PCDHA10: variants seen among roughly 807,000 people sequenced by gnomAD.
The protein encoded by PCDHA10 is protocadherin alpha 10.
In PCDHA10, 45 loss-of-function variants were observed where a neutral mutation model predicts 61.2. The ratio of observed to expected loss-of-function variants is 0.74; its 90% CI spans 0.58 to 0.94. PCDHA10 has a LOEUF of 0.94. Ranked by LOEUF, PCDHA10 falls within the 40% of genes least tolerant of loss-of-function variation. The pLI is 0.00. For synonymous variants in PCDHA10, 602 were observed against 548.8 expected (o/e 1.10, Z -1.35); for missense variants, 1,278 against 1,236.2 (o/e 1.03, Z -0.51).
At chr5:140,891,889 G>C (rs1319520907) in intron 1 of PCDHA10, among the ~76,000 whole-genome samples, 1 of 152,224 alleles carries the variant, frequency 6.6e-6, no homozygotes, top group Non-Finnish European at 1.5e-5. Context: ...ATGTGACGAT[G>C]CAGCAAGAAG....
chr5:140,926,914 G>A (rs1563085125), intron 1 of PCDHA10: 7 of 1,565,570 alleles, frequency 4.5e-6, no homozygotes, highest in African/African-American at 1.4e-5. Context: ...TGGGGTGGCA[G>A]TTTTATGTTT....
chr5:140,993,462 TCACA>T (rs3836747), intron 3 of PCDHA10, among the ~76,000 whole-genome samples: 18,508 of 140,892 alleles, frequency 0.13, 1,341 homozygotes, highest in African/African-American at 0.21. Flanking sequence ...TCTTTCTTTC[TCACA>T]CACACACACA....
intron 3 of PCDHA10, among the ~76,000 whole-genome samples, chr5:140,987,524 GT>G (rs1341881093): frequency 6.6e-6 from 1 of 152,144 alleles, no homozygotes; most frequent in Non-Finnish European, 1.5e-5. Flanking sequence ...GTAATTGTAT[GT>G]TCCTGGGACC....
intron 1 of PCDHA10, chr5:140,966,646 G>A: frequency 1.8e-6 from 2 of 1,139,684 alleles, no homozygotes; most frequent in Non-Finnish European, 2.3e-6. Flanking sequence ...TTTCTAGAGC[G>A]TGAGCGGTGG....
At chr5:140,881,244 C>T (rs1219638908) in intron 1 of PCDHA10, 9 of 397,012 alleles carry the variant, frequency 2.3e-5, no homozygotes, top group Non-Finnish European at 3.1e-5. Context: ...ATTTAAATGA[C>T]GGCAAGGTTT....
intron 1 of PCDHA10, chr5:140,865,192 A>C (rs1306002523): frequency 3.9e-5 from 6 of 152,218 alleles, no homozygotes; most frequent in Non-Finnish European, 8.8e-5. Flanking sequence ...CCTTCACACC[A>C]TATTAATGTG....
At chr5:140,932,145 C>G (rs1231469475) in intron 1 of PCDHA10, among the ~76,000 whole-genome samples, 2 of 151,710 alleles carry the variant, frequency 1.3e-5, no homozygotes, top group African/African-American at 4.8e-5. Context: ...AAAATTGATT[C>G]ACTGATTGTA....
Position 140,858,289 on chromosome 5 carries a change from T to G in PCDHA10, c.2241T>G (p.Ser747=). 6.3e-7 allele frequency: 1 copy of G among 1,597,184 alleles called. No homozygotes were observed. The highest frequency in any genetic ancestry group is 1.3e-5 in the African/African-American group (1 of 74,256). Residue 747 remains serine (S), a synonymous_variant, in exon 1 of 4, where the codon TCT becomes TCG. Transcript: ENST00000307360. ...GCTCTAGCGCGGTGGGGAGCTGGTCTTACTCGCAGCAGAGGCGGCAGAGGG... is the reference window on the plus strand; with the variant it reads ...GCTCTAGCGCGGTGGGGAGCTGGTCGTACTCGCAGCAGAGGCGGCAGAGGG... ...LVCSSAVGSW[S]YSQQRRQRVC... is the part of the protein sequence containing the mutation.
chr5:140,921,693 C>A (rs115825687), intron 1 of PCDHA10, among the ~76,000 whole-genome samples: 103 of 152,244 alleles, frequency 6.8e-4, no homozygotes, highest in African/African-American at 2.4e-3. Flanking sequence ...CTGGCCACCT[C>A]AATTTTAAAC....
intron 1 of PCDHA10, among the ~76,000 whole-genome samples, chr5:140,973,733 C>G (rs1273705154): frequency 6.6e-6 from 1 of 152,216 alleles, no homozygotes; most frequent in Non-Finnish European, 1.5e-5. Context: ...GGCATCTGGT[C>G]TAACTCAGAA....
intron 1 of PCDHA10, chr5:140,876,689 C>A (rs2056506979): frequency 1.2e-6 from 2 of 1,614,228 alleles, no homozygotes; most frequent in Non-Finnish European, 1.7e-6. Context: ...AATTACTACT[C>A]GTTGGTGCTG....
chr5:140,858,188 C>T lies in PCDHA10; in HGVS notation c.2140C>T (p.Leu714=). Residue 714 remains leucine, a synonymous_variant, in exon 1 of 4, where the codon CTG becomes TTG. Transcript: ENST00000307360. Reference sequence around the variant, plus strand: ...GTCCAGCTTGCTGGTGCTCACGCTGCTGCTGTACACTGCACTGAGGTGCTC... The same window carrying T: ...GTCCAGCTTGCTGGTGCTCACGCTGTTGCTGTACACTGCACTGAGGTGCTC... ...AVSSLLVLTL[L]LYTALRCSAA... is the part of the protein sequence containing the mutation. 6.3e-7 allele frequency: 1 copy of T among 1,597,268 alleles called. No individual in the cohort carries two copies. Among genetic ancestry groups the T allele is most frequent in the Non-Finnish European group, 8.6e-7 (1 of 1,166,996 alleles).
intron 1 of PCDHA10, among the ~76,000 whole-genome samples, chr5:140,974,533 C>T (rs540810616): frequency 1.5e-4 from 23 of 152,160 alleles, no homozygotes; most frequent in Middle Eastern, 6.8e-3. Flanking sequence ...TTTTTTGAGA[C>T]GGAGTTTTGC....
At chr5:140,990,836 C>G (rs1358432111) in intron 3 of PCDHA10, among the ~76,000 whole-genome samples, 1 of 152,120 alleles carries the variant, frequency 6.6e-6, no homozygotes, top group East Asian at 1.9e-4. Context: ...AGCCTATTAG[C>G]AAAAATAGAG....
Position 140,876,879 on chromosome 5 carries a change from G to C in PCDHA10, c.2388+18443G>C, listed in dbSNP as rs782299548. On this transcript the variant is annotated intron_variant, in intron 1 of 3. Coordinates refer to ENST00000307360, the MANE Select transcript of PCDHA10 (RefSeq NM_018901.4). Reference sequence around the variant, plus strand: ...CAGTGTTCGTGAAGGAGAACAACCCGCCGGGCTGCCACATCTTCACGGTGT... The same window carrying C: ...CAGTGTTCGTGAAGGAGAACAACCCCCCGGGCTGCCACATCTTCACGGTGT... The C allele has an allele frequency of 1.6e-5, 26 of 1,614,032 alleles. 1 individual carries two copies. The highest frequency in any genetic ancestry group is 2.2e-5 in the Non-Finnish European group (26 of 1,180,008).
rs571034520 is a variant in PCDHA10 at position 140,922,140 on chromosome 5, A to G, written c.2389-56809A>G. ...CACCTTTAAATGTCTCTTATCCTCC[A>G]TGAAACTCATCAAAAACAACAAAAA... On this transcript the variant is annotated intron_variant, in intron 1 of 3. Coordinates refer to ENST00000307360, the MANE Select transcript of PCDHA10 (RefSeq NM_018901.4). Among the ~76,000 whole-genome samples the G allele has an allele frequency of 6.6e-5, 10 of 152,202 alleles. No individual in the cohort carries two copies. The East Asian group carries it at 1.9e-3, about 29-fold the overall frequency.
chr5:140,965,796 A>AT (rs1377584212), intron 1 of PCDHA10, among the ~76,000 whole-genome samples: 2 of 152,134 alleles, frequency 1.3e-5, no homozygotes, highest in Non-Finnish European at 2.9e-5. Flanking sequence ...CATGGAGACT[A>AT]TTTTTTTAAA....
chr5:140,878,662 C>T (rs1479409326), intron 1 of PCDHA10, among the ~76,000 whole-genome samples: 1 of 152,194 alleles, frequency 6.6e-6, no homozygotes, highest in African/African-American at 2.4e-5. Flanking sequence ...CCAGAGGCTT[C>T]TCTTTAACCA....
At chr5:140,862,706 G>A in intron 1 of PCDHA10, 1 of 558,712 alleles carries the variant, frequency 1.8e-6, no homozygotes, top group South Asian at 1.4e-5. Context: ...ATGGAACAGC[G>A]GGTGGGCGAG....
Sources: gnomAD v4.1 joint callset for allele counts (sites outside exome capture counted in the v4.1 genomes callset) on GRCh38, gnomAD v4.1.1 for gene constraint, MANE v1.5 for transcripts, NCBI Gene and HGNC (gene_info 2026-07-23, HGNC 2026-07-21) for gene names.